The following TRAM2 variants were observed in gnomAD, a reference collection of about 807,000 sequenced individuals.
TRAM2 encodes translocating chain-associated membrane protein 2.
TRAM2 carries 12 observed loss-of-function variants against 51.0 expected under a neutral mutation model. That is an observed-to-expected ratio of 0.24 (90% CI 0.15 to 0.38). TRAM2 has a LOEUF of 0.38. Among genes scored for constraint, TRAM2 ranks in the 10% least tolerant of loss-of-function variants. TRAM2 has a pLI of 1.00. For missense variants in TRAM2, 361 were observed against 462.0 expected (o/e 0.78, Z 2.00); for synonymous variants, 175 against 179.4 (o/e 0.98, Z 0.20).
intron 1 of TRAM2, among the ~76,000 whole-genome samples, chr6:52,560,535 C>A (rs1213623031): frequency 6.6e-6 from 1 of 152,226 alleles, no homozygotes; most frequent in South Asian, 2.1e-4. Flanking sequence ...GGCTATACCA[C>A]AATTTACCTA....
chr6:52,534,622 T>C (rs1418726661), intron 2 of TRAM2, among the ~76,000 whole-genome samples: 1 of 152,222 alleles, frequency 6.6e-6, no homozygotes, highest in East Asian at 1.9e-4. Flanking sequence ...GCATGGTGTT[T>C]GCAGAATTTC....
chr6:52,560,792 G>C (rs1767485593), intron 1 of TRAM2, among the ~76,000 whole-genome samples: 2 of 152,200 alleles, frequency 1.3e-5, no homozygotes, highest in African/African-American at 4.8e-5. Flanking sequence ...CTGGCCCTGA[G>C]CTATCACTCT....
At chr6:52,550,996 T>C (rs1320048968) in intron 1 of TRAM2, among the ~76,000 whole-genome samples, 1 of 152,206 alleles carries the variant, frequency 6.6e-6, no homozygotes, top group Admixed American at 6.5e-5. Flanking sequence ...GGACCAACAG[T>C]GTTGATAACC....
At chr6:52,563,515 C>T (rs1470589836) in intron 1 of TRAM2, among the ~76,000 whole-genome samples, 4 of 151,510 alleles carry the variant, frequency 2.6e-5, no homozygotes, top group Non-Finnish European at 4.4e-5. Flanking sequence ...GTCAGGAGAT[C>T]GAGACCATCC....
intron 1 of TRAM2, among the ~76,000 whole-genome samples, chr6:52,555,015 A>T (rs186930996): frequency 6.6e-6 from 1 of 152,314 alleles, no homozygotes; most frequent in East Asian, 1.9e-4. Flanking sequence ...TGCCTGGCCA[A>T]CTTCTAGTCA....
chr6:52,565,185 T>C (rs1244121502), intron 1 of TRAM2, among the ~76,000 whole-genome samples: 2 of 152,176 alleles, frequency 1.3e-5, no homozygotes, highest in East Asian at 3.9e-4. Context: ...TTCAGCTCTG[T>C]GTTTGAAGAC....
At chr6:52,555,234 C>T (rs992012296) in intron 1 of TRAM2, among the ~76,000 whole-genome samples, 3 of 151,984 alleles carry the variant, frequency 2.0e-5, no homozygotes, top group African/African-American at 4.8e-5. Flanking sequence ...CTGCCCTCTT[C>T]GCTCTCCCAC....
chr6:52,567,975 G>C (rs2143830), intron 1 of TRAM2, among the ~76,000 whole-genome samples: 1 of 151,956 alleles, frequency 6.6e-6, no homozygotes, highest in Non-Finnish European at 1.5e-5. Context: ...TTTCTGACTC[G>C]CAATTTGAGT....
intron 5 of TRAM2, among the ~76,000 whole-genome samples, chr6:52,508,895 G>C (rs1581868956): frequency 6.6e-6 from 1 of 152,172 alleles, no homozygotes; most frequent in Non-Finnish European, 1.5e-5. Flanking sequence ...TTAGCTGGGC[G>C]TGGTGGCACA....
intron 2 of TRAM2, among the ~76,000 whole-genome samples, chr6:52,521,354 AT>A (rs934743954): frequency 5.3e-5 from 8 of 151,082 alleles, no homozygotes; most frequent in African/African-American, 1.9e-4. Context: ...GATGTTTTTG[AT>A]TTTTTTTTCT....
intron 2 of TRAM2, among the ~76,000 whole-genome samples, chr6:52,525,697 A>C (rs1404571175): frequency 6.6e-6 from 1 of 152,186 alleles, no homozygotes; most frequent in Non-Finnish European, 1.5e-5. Context: ...AATCCCAGCT[A>C]CTCAGGAGGC....
intron 1 of TRAM2, among the ~76,000 whole-genome samples, chr6:52,544,040 C>G (rs575331850): frequency 6.6e-6 from 1 of 152,290 alleles, no homozygotes; most frequent in African/African-American, 2.4e-5. Flanking sequence ...TGTTGACCCC[C>G]ACATTTTGAC....
In TRAM2 at chr6:52,498,120, GACA is replaced by G. The variant is rs1279090510; in HGVS notation, c.*5074_*5076del. The G allele has an allele frequency of 2.0e-5, 3 of 152,518 alleles. No homozygotes were observed. Among genetic ancestry groups the G allele is most frequent in the African/African-American group, 4.8e-5 (2 of 41,424 alleles). 9.4% of individuals were successfully genotyped at this position (152,518 alleles called of 1,614,324 possible). ...GAAACCCACCCAGGATCACAAGAAT[GACA>G]ACAAAAGGAAAGTGGCTATTTCTTG... On this transcript the variant is annotated 3_prime_UTR_variant, in exon 11 of 11. Coordinates refer to ENST00000182527, the MANE Select transcript of TRAM2 (RefSeq NM_012288.4).
rs1259683607 is a variant in TRAM2 at position 52,504,771 on chromosome 6, TA to T, written c.876-18del. The T allele has an allele frequency of 7.6e-6, 12 of 1,583,646 alleles. No homozygotes were observed. The highest frequency in any genetic ancestry group is 1.0e-5 in the Non-Finnish European group (12 of 1,168,272). On this transcript the variant is annotated intron_variant, in intron 9 of 10. Coordinates refer to ENST00000182527, the MANE Select transcript of TRAM2 (RefSeq NM_012288.4). ...ACGCAGAGCCTGCAGAGCAGGGGGTTAGGGGCTTAGGCTGGGGCTTGGGCTC... is the reference window on the plus strand; with the variant it reads ...ACGCAGAGCCTGCAGAGCAGGGGGTTGGGGCTTAGGCTGGGGCTTGGGCTC...
chr6:52,513,732 A>G (rs888547199), intron 4 of TRAM2, among the ~76,000 whole-genome samples: 4 of 152,198 alleles, frequency 2.6e-5, no homozygotes, highest in Non-Finnish European at 4.4e-5. Flanking sequence ...CCCAGATCAC[A>G]TGAATGGGGA....
At chr6:52,555,608 A>T (rs969655712) in intron 1 of TRAM2, among the ~76,000 whole-genome samples, 1 of 152,194 alleles carries the variant, frequency 6.6e-6, no homozygotes, top group Non-Finnish European at 1.5e-5. Context: ...AGCTGCTTTT[A>T]AAAAAACCAT....
At chr6:52,565,579 T>C (rs1767577502) in intron 1 of TRAM2, among the ~76,000 whole-genome samples, 1 of 152,088 alleles carries the variant, frequency 6.6e-6, no homozygotes, top group Admixed American at 6.5e-5. Flanking sequence ...CTGCTAGAAA[T>C]CAGACAAAGG....
intron 4 of TRAM2, 27 bp downstream of exon 4, chr6:52,515,979 G>A (rs199867906): frequency 1.5e-5 from 24 of 1,603,014 alleles, no homozygotes; most frequent in East Asian, 6.7e-5. Flanking sequence ...GAGCTCTCCC[G>A]CTTCAGCAGT....
Position 52,577,053 on chromosome 6 carries a change from A to G in TRAM2, c.-138T>C. ...CAGCCGCTCGCCCGCCCAGCGCGGA[A>G]CAACTTCGGGGCCCGCCCCCTTCCT... is the stretch of plus-strand genomic sequence containing the variant. On this transcript the variant is annotated 5_prime_UTR_variant, in exon 1 of 11. Coordinates refer to ENST00000182527, the MANE Select transcript of TRAM2 (RefSeq NM_012288.4). The G allele has an allele frequency of 9.8e-7, 1 of 1,016,082 alleles. No individual in the cohort carries two copies. The highest frequency in any genetic ancestry group is 1.2e-6 in the Non-Finnish European group (1 of 815,372). The allele number at this position is 1,016,082 out of a possible 1,614,324, so 62.9% of individuals were successfully genotyped here.
Sources: gnomAD v4.1 joint callset for allele counts (sites outside exome capture counted in the v4.1 genomes callset) on GRCh38, gnomAD v4.1.1 for gene constraint, MANE v1.5 for transcripts, NCBI Gene and HGNC (gene_info 2026-07-23, HGNC 2026-07-21) for gene names.